ASTN2: variants seen among roughly 807,000 people sequenced by gnomAD.
ASTN2 encodes astrotactin 2.
A neutral mutation model predicts 139.8 loss-of-function variants in ASTN2; 54 were observed. The ratio of observed to expected loss-of-function variants is 0.39; its 90% CI spans 0.31 to 0.48. The LOEUF (loss-of-function observed/expected upper bound fraction) is 0.48. Among genes scored for constraint, ASTN2 ranks in the 20% least tolerant of loss-of-function variants. The probability of loss-of-function intolerance (pLI) is 0.95; values close to 1 mark genes in which losing one functional copy is unlikely to be tolerated. For missense variants in ASTN2, 1,565 were observed against 1,725.1 expected (o/e 0.91, Z 1.64); for synonymous variants, 756 against 719.5 (o/e 1.05, Z -0.81).
chr9:116,623,792 C>T (rs992830017), intron 17 of ASTN2, among the ~76,000 whole-genome samples: 4 of 152,132 alleles, frequency 2.6e-5, no homozygotes, highest in Non-Finnish European at 5.9e-5. Context: ...AACTAAAGCC[C>T]ATTTGAATCC....
rs1828342000 is a variant in ASTN2 at position 117,078,644 on chromosome 9, G to A, written c.1276+17400C>T. ...CCTCTATAGCTTGAAAATGGCTGGA[G>A]GGCAGAGACCACTAGTCTTAACCAT... On this transcript the variant is annotated intron_variant, in intron 5 of 22. Coordinates refer to ENST00000313400, the MANE Select transcript of ASTN2 (RefSeq NM_001365068.1). Among the ~76,000 whole-genome samples the A allele has an allele frequency of 2.6e-5, 4 of 152,156 alleles. No individual in the cohort carries two copies. The South Asian group carries it at 8.3e-4, about 32-fold the overall frequency.
chr9:117,178,378 G>A (rs933390872), intron 3 of ASTN2, among the ~76,000 whole-genome samples: 1 of 152,186 alleles, frequency 6.6e-6, no homozygotes. Flanking sequence ...GATGGGTAGG[G>A]AAGTGAGTTG....
At position 116,553,697 on chromosome 9, in the gene ASTN2, A is replaced by G. The variant is rs546001436; in HGVS notation, c.3355+64627T>C. 7.9e-5 allele frequency among the ~76,000 whole-genome samples: 12 copies of G among 152,290 alleles called. 1 individual carries two copies. Among genetic ancestry groups the G allele is most frequent in the Admixed American group, 2.6e-4 (4 of 15,288 alleles). ...CAGCTGGGCCTCCACTTTTCCATGCATGAGGTAGGGACCACAGCACTTACC... is the reference window on the plus strand; with the variant it reads ...CAGCTGGGCCTCCACTTTTCCATGCGTGAGGTAGGGACCACAGCACTTACC... On this transcript the variant is annotated intron_variant, in intron 19 of 22. Coordinates refer to ENST00000313400, the MANE Select transcript of ASTN2 (RefSeq NM_001365068.1).
At chr9:117,247,077 G>A (rs1316899064) in intron 2 of ASTN2, among the ~76,000 whole-genome samples, 5 of 152,122 alleles carry the variant, frequency 3.3e-5, no homozygotes, top group African/African-American at 1.2e-4. Context: ...CACTGAGGAG[G>A]GAGATCACGG....
intron 10 of ASTN2, among the ~76,000 whole-genome samples, chr9:116,964,076 A>T (rs1393821028): frequency 6.6e-6 from 1 of 152,124 alleles, no homozygotes; most frequent in South Asian, 2.1e-4. Context: ...AAGCTTGAGC[A>T]TGCCACCTGT....
rs533672893 is a variant in ASTN2, at chr9:116,972,063, C to T, written c.1889+3145G>A. Among the ~76,000 whole-genome samples, 41 of 152,278 alleles carry T rather than the reference C, an allele frequency of 2.7e-4. No homozygotes were observed. The South Asian group carries it at 4.4e-3, about 16-fold the overall frequency. On this transcript the variant is annotated intron_variant, in intron 10 of 22. Coordinates refer to ENST00000313400, the MANE Select transcript of ASTN2 (RefSeq NM_001365068.1). ...TCACAGAGTTAAAACACTCATGTAA[C>T]CACCACCCATAACAATAAATCAAAC...
At chr9:116,799,706 T>TTG (rs375013964) in intron 13 of ASTN2, among the ~76,000 whole-genome samples, 20 of 123,342 alleles carry the variant, frequency 1.6e-4, no homozygotes, top group South Asian at 1.2e-3. Context: ...GGTAAGAGAG[T>TTG]GGGGGGGGGG....
At chr9:116,808,442 C>T (rs549009783) in intron 12 of ASTN2, among the ~76,000 whole-genome samples, 1 of 152,252 alleles carries the variant, frequency 6.6e-6, no homozygotes, top group East Asian at 1.9e-4. Flanking sequence ...TGTTGTGAGA[C>T]ATGCATTTGC....
intron 13 of ASTN2, among the ~76,000 whole-genome samples, chr9:116,753,656 A>G (rs1436406665): frequency 6.6e-6 from 1 of 152,242 alleles, no homozygotes; most frequent in Non-Finnish European, 1.5e-5. Flanking sequence ...TTCTATAAAC[A>G]TAAAACTGCC....
At chr9:117,170,592 T>C (rs570877769) in intron 3 of ASTN2, among the ~76,000 whole-genome samples, 1 of 152,212 alleles carries the variant, frequency 6.6e-6, no homozygotes, top group Non-Finnish European at 1.5e-5. Context: ...CATGAATTGC[T>C]GGAGTGAGTG....
intron 10 of ASTN2, among the ~76,000 whole-genome samples, chr9:116,922,258 T>C (rs906617459): frequency 1.5e-4 from 23 of 152,230 alleles, no homozygotes; most frequent in African/African-American, 5.5e-4. Context: ...ATTATTATTG[T>C]TCATAAACAT....
intron 6 of ASTN2, among the ~76,000 whole-genome samples, chr9:117,014,239 C>A (rs544451473): frequency 3.9e-5 from 6 of 152,194 alleles, no homozygotes; most frequent in African/African-American, 1.4e-4. Context: ...TACCCTTCTC[C>A]CAGGTCCACA....
chr9:116,602,210 G>GT, intron 19 of ASTN2, among the ~76,000 whole-genome samples: 1 of 152,278 alleles, frequency 6.6e-6, no homozygotes, highest in East Asian at 1.9e-4. Flanking sequence ...AAGACAGAGG[G>GT]GAGTAAGCTG....
At chr9:116,871,303 T>A (rs1242628783) in intron 10 of ASTN2, among the ~76,000 whole-genome samples, 2 of 152,200 alleles carry the variant, frequency 1.3e-5, no homozygotes, top group Non-Finnish European at 2.9e-5. Context: ...CAGCTCAGTT[T>A]TTTTATTTTA....
chr9:117,035,846 T>C (rs1838369506), intron 6 of ASTN2, among the ~76,000 whole-genome samples: 1 of 152,204 alleles, frequency 6.6e-6, no homozygotes, highest in Non-Finnish European at 1.5e-5. Context: ...GGAAAGTCAC[T>C]TTTGGCTGGA....
intron 13 of ASTN2, among the ~76,000 whole-genome samples, chr9:116,784,569 A>G (rs955934279): frequency 6.6e-6 from 1 of 152,110 alleles, no homozygotes; most frequent in Non-Finnish European, 1.5e-5. Context: ...TATTGTCCCC[A>G]CCTTTGAGTC....
intron 3 of ASTN2, among the ~76,000 whole-genome samples, chr9:117,204,768 A>C (rs1831859319): frequency 6.6e-6 from 1 of 152,214 alleles, no homozygotes; most frequent in Admixed American, 6.5e-5. Context: ...CCAAACAAAC[A>C]ACAACAAAAA....
chr9:117,058,017 T>C (rs1254212628), intron 5 of ASTN2, among the ~76,000 whole-genome samples: 1 of 152,184 alleles, frequency 6.6e-6, no homozygotes, highest in Non-Finnish European at 1.5e-5. Context: ...AATTTCCCAG[T>C]TGATTATTTG....
intron 13 of ASTN2, among the ~76,000 whole-genome samples, chr9:116,748,422 G>A (rs1829309192): frequency 6.6e-6 from 1 of 152,150 alleles, no homozygotes; most frequent in Admixed American, 6.5e-5. Flanking sequence ...AATCCCCGAG[G>A]GGTCTAGCTG....
Sources: allele counts gnomAD v4.1 joint callset (sites outside exome capture counted in the v4.1 genomes callset), GRCh38; gene constraint gnomAD v4.1.1; transcripts MANE v1.5; gene names NCBI Gene and HGNC (gene_info 2026-07-23, HGNC 2026-07-21).